The following COMMD10 variants were observed in gnomAD, a reference collection of about 807,000 sequenced individuals.
The protein encoded by COMMD10 is COMM domain containing 10.
Under a neutral mutation model 28.9 loss-of-function variants are expected in COMMD10, and 33 were observed. The observed-to-expected ratio is 1.14, with a 90% CI of 0.87 to 1.53. The LOEUF (loss-of-function observed/expected upper bound fraction) is 1.53, where lower values mean the gene tolerates loss of function less well. Among genes scored for constraint, COMMD10 ranks in the 40% most tolerant of loss-of-function variants. The probability of loss-of-function intolerance (pLI) is 0.00; values close to 1 mark genes in which losing one functional copy is unlikely to be tolerated. For synonymous variants in COMMD10, 110 were observed against 81.7 expected (o/e 1.35, Z -1.87); for missense variants, 310 against 233.4 (o/e 1.33, Z -2.14).
rs35221536 is a variant in COMMD10 at position 116,291,032 on chromosome 5, A to AG, written c.511-484dup. On this transcript the variant is annotated intron_variant, in intron 5 of 6. Transcript: ENST00000274458. ...AACTTTTGCTGAGTCTATACATTGA[A>AG]GAAGGTAACACTCAGCATGTTGAGA... 2.0e-5 allele frequency among the ~76,000 whole-genome samples: 3 copies of AG among 152,160 alleles called. No homozygotes were observed. The East Asian group carries it at 5.8e-4, about 29-fold the overall frequency.
At chr5:116,176,155 A>T (rs1391773597) in intron 5 of COMMD10, among the ~76,000 whole-genome samples, 1 of 152,188 alleles carries the variant, frequency 6.6e-6, no homozygotes. Context: ...TTTGTCTCCC[A>T]GGCTGGAGTG....
intron 4 of COMMD10, among the ~76,000 whole-genome samples, chr5:116,116,132 G>T (rs905446817): frequency 6.6e-6 from 1 of 151,788 alleles, no homozygotes; most frequent in African/African-American, 2.4e-5. Context: ...ATGAAAAAAT[G>T]GATAGACAAT....
intron 4 of COMMD10, among the ~76,000 whole-genome samples, chr5:116,106,743 G>A (rs1247678199): frequency 1.3e-5 from 2 of 151,990 alleles, no homozygotes; most frequent in African/African-American, 4.8e-5. Context: ...TAATGCCCTT[G>A]TCTCTTTTGA....
chr5:116,159,620 C>T (rs1041077110), intron 5 of COMMD10, among the ~76,000 whole-genome samples: 10 of 152,122 alleles, frequency 6.6e-5, no homozygotes, highest in African/African-American at 2.4e-4. Flanking sequence ...TGTTAAGCCC[C>T]TAAAGTGGTG....
intron 5 of COMMD10, among the ~76,000 whole-genome samples, chr5:116,267,077 G>A (rs940499093): frequency 2.3e-4 from 35 of 151,780 alleles, no homozygotes; most frequent in Admixed American, 1.8e-3. Context: ...ATTCAACATA[G>A]TATTGGAAAT....
chr5:116,258,269 C>A (rs42959), intron 5 of COMMD10, among the ~76,000 whole-genome samples: 9 of 151,492 alleles, frequency 5.9e-5, no homozygotes, highest in East Asian at 1.9e-4. Context: ...CTATTCCTCC[C>A]CTAGATAAGA....
intron 5 of COMMD10, among the ~76,000 whole-genome samples, chr5:116,134,940 C>T (rs763497025): frequency 6.6e-6 from 1 of 151,964 alleles, no homozygotes; most frequent in African/African-American, 2.4e-5. Flanking sequence ...TTTTATACCA[C>T]AGGATTTTAC....
At chr5:116,275,154 T>C (rs1336217474) in intron 5 of COMMD10, among the ~76,000 whole-genome samples, 1 of 151,828 alleles carries the variant, frequency 6.6e-6, no homozygotes, top group East Asian at 1.9e-4. Flanking sequence ...TTCCTAACTC[T>C]TCATCTCACC....
At chr5:116,241,318 G>C (rs1380365436) in intron 5 of COMMD10, among the ~76,000 whole-genome samples, 1 of 152,074 alleles carries the variant, frequency 6.6e-6, no homozygotes, top group Non-Finnish European at 1.5e-5. Flanking sequence ...TTAGACCCTG[G>C]AGCAAAATCA....
At chr5:116,264,786 G>C (rs1187973292) in intron 5 of COMMD10, among the ~76,000 whole-genome samples, 1 of 151,806 alleles carries the variant, frequency 6.6e-6, no homozygotes, top group Non-Finnish European at 1.5e-5. Context: ...TTGAAAAATA[G>C]ATGTCATGTA....
intron 5 of COMMD10, among the ~76,000 whole-genome samples, chr5:116,175,898 A>G (rs1172136747): frequency 1.3e-5 from 2 of 152,126 alleles, no homozygotes; most frequent in Non-Finnish European, 2.9e-5. Flanking sequence ...TTATTGTTTA[A>G]TGGGTACAGA....
chr5:116,094,267 T>C (rs1424677886), intron 4 of COMMD10, among the ~76,000 whole-genome samples: 2 of 152,178 alleles, frequency 1.3e-5, no homozygotes, highest in Non-Finnish European at 2.9e-5. Context: ...TTACAAACTA[T>C]TGACTTAGCA....
chr5:116,271,534 A>G (rs1750757272), intron 5 of COMMD10, among the ~76,000 whole-genome samples: 1 of 151,710 alleles, frequency 6.6e-6, no homozygotes, highest in African/African-American at 2.4e-5. Context: ...ATTCTAAACC[A>G]TGACCAGACT....
At position 116,226,464 on chromosome 5, in the gene COMMD10, C is replaced by CT. The variant is rs557969169; in HGVS notation, c.511-65050dup. 3.6e-4 allele frequency among the ~76,000 whole-genome samples: 52 copies of CT among 144,846 alleles called. No individual in the cohort carries two copies. In the South Asian group the frequency reaches 0.011, roughly 31 times the overall value. The stretch of plus-strand genomic sequence containing the variant: ...AGCAAATTATATTTCAGCTGATGGA[C>CT]TTTCCTCAGTTTCTGTTAATTACAT... On this transcript the variant is annotated intron_variant, in intron 5 of 6. Coordinates refer to ENST00000274458, the MANE Select transcript of COMMD10 (RefSeq NM_016144.4).
chr5:116,271,307 A>T (rs1349755099), intron 5 of COMMD10, among the ~76,000 whole-genome samples: 2 of 146,968 alleles, frequency 1.4e-5, no homozygotes, highest in Non-Finnish European at 3.0e-5. Context: ...TAATATATAA[A>T]ATATATATAA....
intron 5 of COMMD10, among the ~76,000 whole-genome samples, chr5:116,239,460 A>G (rs1370428341): frequency 2.0e-5 from 3 of 152,126 alleles, no homozygotes; most frequent in Non-Finnish European, 4.4e-5. Flanking sequence ...TTCTGGAGCT[A>G]AAAGCAGCTC....
chr5:116,131,886 T>C (rs1020323472), intron 4 of COMMD10, among the ~76,000 whole-genome samples: 2 of 152,074 alleles, frequency 1.3e-5, no homozygotes, highest in African/African-American at 4.8e-5. Context: ...TAGTATGTTT[T>C]GGGAATCTTA....
At chr5:116,256,066 C>A (rs1403392116) in intron 5 of COMMD10, among the ~76,000 whole-genome samples, 1 of 151,478 alleles carries the variant, frequency 6.6e-6, no homozygotes, top group Admixed American at 6.6e-5. Context: ...CTGAAATTAC[C>A]TTCTATAAAA....
At chr5:116,093,902 G>A (rs1750383215) in intron 4 of COMMD10, among the ~76,000 whole-genome samples, 1 of 152,120 alleles carries the variant, frequency 6.6e-6, no homozygotes, top group African/African-American at 2.4e-5. Context: ...TTATTACAAA[G>A]TTGCCAAGAG....
Sources: gnomAD v4.1 joint callset for allele counts (sites outside exome capture counted in the v4.1 genomes callset) on GRCh38, gnomAD v4.1.1 for gene constraint, MANE v1.5 for transcripts, NCBI Gene and HGNC (gene_info 2026-07-23, HGNC 2026-07-21) for gene names.